Variants in NPR3 observed in about 807,000 individuals in gnomAD.
NPR3 encodes the protein natriuretic peptide receptor 3.
In NPR3, 34 loss-of-function variants were observed where a neutral mutation model predicts 54.5. The ratio of observed to expected loss-of-function variants is 0.62; its 90% CI spans 0.47 to 0.83. The LOEUF (loss-of-function observed/expected upper bound fraction) is 0.83, where lower values mean the gene tolerates loss of function less well. Ranked by LOEUF, NPR3 falls within the 40% of genes least tolerant of loss-of-function variation. NPR3 has a pLI of 0.00. For missense variants in NPR3, 674 were observed against 720.8 expected, an observed-to-expected ratio of 0.94 and a Z score of 0.74; for synonymous variants, 289 against 297.1, an observed-to-expected ratio of 0.97 and a Z score of 0.28.
At chr5:32,746,065 A>G in intron 3 of NPR3, among the ~76,000 whole-genome samples, 1 of 152,224 alleles carries the variant, frequency 6.6e-6, no homozygotes, top group East Asian at 1.9e-4. Flanking sequence ...GCACTCTGAC[A>G]CGCTGGTGAT....
chr5:32,777,033 C>G (rs1172069353), intron 4 of NPR3, among the ~76,000 whole-genome samples: 2 of 151,988 alleles, frequency 1.3e-5, no homozygotes, highest in African/African-American at 2.4e-5. Flanking sequence ...GTGGAGTGTC[C>G]CCAGAGAGAG....
chr5:32,701,864 T>G (rs1737810984), intron 1 of NPR3, among the ~76,000 whole-genome samples: 1 of 152,210 alleles, frequency 6.6e-6, no homozygotes, highest in South Asian at 2.1e-4. Context: ...CCATTTATTT[T>G]CTGCCAAACA....
rs1742882449 is a variant in NPR3 at position 32,791,056 on chromosome 5, A to G, written c.*4711A>G. On this transcript the variant is annotated 3_prime_UTR_variant, in exon 8 of 8. Coordinates refer to ENST00000265074, the MANE Select transcript of NPR3 (RefSeq NM_001204375.2). ...TAGGAGAACAAAGCTGTCACGGTGCATGATAGTTGGACAGAGATGGCTAAA... is the reference window on the plus strand; with the variant it reads ...TAGGAGAACAAAGCTGTCACGGTGCGTGATAGTTGGACAGAGATGGCTAAA... The G allele has an allele frequency of 6.0e-6, 1 of 167,138 alleles. No homozygotes were observed. Among genetic ancestry groups the G allele is most frequent in the African/African-American group, 2.4e-5 (1 of 41,476 alleles). 10.4% of individuals were successfully genotyped at this position (167,138 alleles called of 1,614,324 possible). A position where few individuals can be genotyped will look rare whatever the true frequency, so the allele number is the denominator to read the frequency against.
At chr5:32,725,480 G>A (rs558446393) in intron 2 of NPR3, among the ~76,000 whole-genome samples, 7 of 152,146 alleles carry the variant, frequency 4.6e-5, no homozygotes, top group Non-Finnish European at 7.3e-5. Flanking sequence ...GGGTATGAGC[G>A]TAGCCCACTC....
chr5:32,745,463 G>C (rs184180181), intron 3 of NPR3, among the ~76,000 whole-genome samples: 1 of 152,192 alleles, frequency 6.6e-6, no homozygotes, highest in Admixed American at 6.5e-5. Flanking sequence ...CAATTCCAGA[G>C]CACTGGTATT....
chr5:32,703,546 C>T (rs1392154474), intron 1 of NPR3, among the ~76,000 whole-genome samples: 4 of 152,128 alleles, frequency 2.6e-5, no homozygotes, highest in Non-Finnish European at 5.9e-5. Context: ...ATTCAGGGCC[C>T]AAAGGCTCTT....
intron 3 of NPR3, among the ~76,000 whole-genome samples, chr5:32,748,671 G>GATA (rs1740425382): frequency 6.6e-6 from 1 of 152,130 alleles, no homozygotes; most frequent in African/African-American, 2.4e-5. Context: ...AAAGGGACCT[G>GATA]GAGGAGTAAT....
intron 7 of NPR3, 139 bp from the exon 8 acceptor site, chr5:32,786,095 C>A: frequency 1.7e-6 from 1 of 586,360 alleles, no homozygotes; most frequent in South Asian, 2.4e-5. Context: ...CTACTTTAAT[C>A]TCTGACCAGG....
chr5:32,724,994 G>A (rs1739063628), intron 2 of NPR3, among the ~76,000 whole-genome samples, 174 bp downstream of exon 2: 1 of 152,122 alleles, frequency 6.6e-6, no homozygotes, highest in Non-Finnish European at 1.5e-5. Context: ...GGAGCTGGAG[G>A]CCATGATCCA....
At chr5:32,757,756 T>G (rs549669421) in intron 3 of NPR3, among the ~76,000 whole-genome samples, 1 of 152,228 alleles carries the variant, frequency 6.6e-6, no homozygotes, top group Non-Finnish European at 1.5e-5. Context: ...ATAGCTCTTA[T>G]TATTTTGAGA....
intron 2 of NPR3, among the ~76,000 whole-genome samples, chr5:32,729,407 C>T (rs1162397257): frequency 1.3e-5 from 2 of 152,100 alleles, no homozygotes; most frequent in African/African-American, 4.8e-5. Context: ...TGTTGATGCT[C>T]AAAAAGTTTT....
intron 3 of NPR3, among the ~76,000 whole-genome samples, chr5:32,747,524 G>A (rs1380732433): frequency 4.6e-5 from 7 of 151,616 alleles, no homozygotes; most frequent in Non-Finnish European, 7.4e-5. Flanking sequence ...TTTTTTATTT[G>A]CTTCTGTGCC....
chr5:32,725,404 T>C (rs1363090374), intron 2 of NPR3, among the ~76,000 whole-genome samples: 2 of 152,218 alleles, frequency 1.3e-5, no homozygotes, highest in African/African-American at 2.4e-5. Context: ...TTGAATTTGC[T>C]TCATCTCCAA....
At chr5:32,723,066 G>A (rs1156390239) in intron 1 of NPR3, among the ~76,000 whole-genome samples, 1 of 152,120 alleles carries the variant, frequency 6.6e-6, no homozygotes, top group African/African-American at 2.4e-5. Flanking sequence ...CAACCTCCAT[G>A]CAGGTTGCCA....
At chr5:32,716,373 T>C (rs1237046539) in intron 1 of NPR3, 3 of 452,940 alleles carry the variant, frequency 6.6e-6, no homozygotes, top group Non-Finnish European at 1.3e-5. Flanking sequence ...TGCTACTTTT[T>C]TTTTTTTCAG....
At chr5:32,696,189 G>C (rs1247729924) in intron 1 of NPR3, among the ~76,000 whole-genome samples, 1 of 152,130 alleles carries the variant, frequency 6.6e-6, no homozygotes, top group African/African-American at 2.4e-5. Context: ...ATGAGAGATA[G>C]GGTTTTAGTT....
intron 4 of NPR3, among the ~76,000 whole-genome samples, chr5:32,776,330 G>A (rs1297192880): frequency 6.6e-6 from 1 of 152,134 alleles, no homozygotes; most frequent in Non-Finnish European, 1.5e-5. Flanking sequence ...ATGGTCACTT[G>A]TAAAATTTTT....
Position 32,762,717 on chromosome 5 carries a change from G to C in NPR3, c.1060-11991G>C, listed in dbSNP as rs1052749645. On this transcript the variant is annotated intron_variant, in intron 3 of 7. Transcript: ENST00000265074. ...TGTAAATTTGTTTACGTTCTTTGTA[G>C]ATTCTGAATATTAGCCCTTTGTCAG... 2.0e-5 allele frequency among the ~76,000 whole-genome samples: 3 copies of C among 151,940 alleles called. No individual in the cohort carries two copies. In the East Asian group the frequency reaches 5.8e-4, roughly 29 times the overall value.
chr5:32,734,524 A>T (rs1739628445), intron 2 of NPR3, among the ~76,000 whole-genome samples: 1 of 152,174 alleles, frequency 6.6e-6, no homozygotes, highest in Non-Finnish European at 1.5e-5. Context: ...TTCTGTACCC[A>T]GTGCAAGCTT....
Sources: gnomAD v4.1 joint callset for allele counts (sites outside exome capture counted in the v4.1 genomes callset) on GRCh38, gnomAD v4.1.1 for gene constraint, MANE v1.5 for transcripts, NCBI Gene and HGNC (gene_info 2026-07-23, HGNC 2026-07-21) for gene names.